GPC5: variants seen among roughly 807,000 people sequenced by gnomAD.
GPC5 encodes glypican-5.
In GPC5, 47 loss-of-function variants were observed where a neutral mutation model predicts 53.9. The ratio of observed to expected loss-of-function variants is 0.87; its 90% CI spans 0.69 to 1.11. The LOEUF is 1.11. Ranked by LOEUF, GPC5 falls within the 50% of genes most tolerant of loss-of-function variation. The pLI, the probability that GPC5 is intolerant of heterozygous loss-of-function variation, is 0.00. For synonymous variants in GPC5, 286 were observed against 263.3 expected, an observed-to-expected ratio of 1.09 and a Z score of -0.84; for missense variants, 748 against 713.1, an observed-to-expected ratio of 1.05 and a Z score of -0.56.
At position 92,694,670 on chromosome 13, in the gene GPC5, C is replaced by T. The variant is rs183088098; in HGVS notation, c.1562-171612C>T. Among the ~76,000 whole-genome samples the T allele has an allele frequency of 2.0e-5, 3 of 152,296 alleles. No individual in the cohort carries two copies. The East Asian group carries it at 5.8e-4, about 29-fold the overall frequency. The stretch of plus-strand genomic sequence containing the variant: ...ACTAATTTGTGTTTGATTTTAAAGG[C>T]TCATAGATGAAAGTGACTTCCCTCA... On this transcript the variant is annotated intron_variant, in intron 7 of 7. Coordinates refer to ENST00000377067, the MANE Select transcript of GPC5 (RefSeq NM_004466.6).
At chr13:91,876,511 C>T (rs1293748674) in intron 5 of GPC5, among the ~76,000 whole-genome samples, 1 of 152,140 alleles carries the variant, frequency 6.6e-6, no homozygotes, top group East Asian at 1.9e-4. Flanking sequence ...AAGAAACTGG[C>T]AGCATTTTGC....
intron 5 of GPC5, among the ~76,000 whole-genome samples, chr13:91,883,453 T>C (rs1366810621): frequency 2.0e-5 from 3 of 152,116 alleles, no homozygotes; most frequent in Non-Finnish European, 4.4e-5. Context: ...CTGTCACACA[T>C]GACAATTACA....
intron 7 of GPC5, among the ~76,000 whole-genome samples, chr13:92,355,681 CTTT>C (rs1187314311): frequency 6.6e-6 from 1 of 152,090 alleles, no homozygotes; most frequent in African/African-American, 2.4e-5. Flanking sequence ...ATGCTGACTT[CTTT>C]ATTTCTTGTC....
chr13:92,249,033 A>AT (rs1252067056), intron 7 of GPC5, among the ~76,000 whole-genome samples: 1 of 151,990 alleles, frequency 6.6e-6, no homozygotes, highest in African/African-American at 2.4e-5. Context: ...TATTTTTTAA[A>AT]TTTTTTGTGG....
At chr13:92,234,637 T>C (rs1156283875) in intron 7 of GPC5, among the ~76,000 whole-genome samples, 2 of 152,012 alleles carry the variant, frequency 1.3e-5, no homozygotes, top group South Asian at 2.1e-4. Context: ...GGGGGGTGCA[T>C]TGTAAAACTA....
chr13:92,624,764 T>C (rs889000877), intron 7 of GPC5, among the ~76,000 whole-genome samples: 6 of 152,204 alleles, frequency 3.9e-5, no homozygotes, highest in Middle Eastern at 3.2e-3. Context: ...CTGCTTCTTC[T>C]CTGCGGGGAG....
At chr13:91,486,284 C>G (rs1461950739) in intron 2 of GPC5, 1 of 152,152 alleles carries the variant, frequency 6.6e-6, no homozygotes, top group African/African-American at 2.4e-5. Context: ...TGGCCTTTAC[C>G]AATGAATCAC....
intron 1 of GPC5, among the ~76,000 whole-genome samples, chr13:91,430,113 C>G (rs1205596779): frequency 6.6e-6 from 1 of 152,118 alleles, no homozygotes. Flanking sequence ...AAGAGTTGAA[C>G]AGCCCAGGGC....
chr13:91,784,003 T>C (rs1256336126), intron 5 of GPC5, among the ~76,000 whole-genome samples: 6 of 152,206 alleles, frequency 3.9e-5, no homozygotes, highest in Non-Finnish European at 8.8e-5. Context: ...GGACAAGTTG[T>C]AGTCTATAGT....
chr13:91,721,396 A>G (rs1253199449), intron 3 of GPC5, among the ~76,000 whole-genome samples: 1 of 152,126 alleles, frequency 6.6e-6, no homozygotes, highest in African/African-American at 2.4e-5. Flanking sequence ...CAGCCTCCCA[A>G]AGTGTTGTGA....
intron 2 of GPC5, among the ~76,000 whole-genome samples, chr13:91,462,015 A>G (rs1282949157): frequency 1.3e-5 from 2 of 152,148 alleles, no homozygotes; most frequent in African/African-American, 4.8e-5. Context: ...CCCACTGGTA[A>G]TAAAATGAAA....
At chr13:92,094,199 A>G (rs2041402675) in intron 6 of GPC5, among the ~76,000 whole-genome samples, 1 of 152,056 alleles carries the variant, frequency 6.6e-6, no homozygotes, top group Admixed American at 6.6e-5. Context: ...ATGTACACTG[A>G]TTATCCTAAA....
Position 92,595,291 on chromosome 13 carries a change from C to G in GPC5, c.1562-270991C>G, listed in dbSNP as rs898487118. On this transcript the variant is annotated intron_variant, in intron 7 of 7. Transcript: ENST00000377067. Reference sequence around the variant, plus strand: ...ATTCTCTCCAGGCCAATGCAGAGATCAATAAAATCAGCCAGTATTCTGTCA... The same window carrying G: ...ATTCTCTCCAGGCCAATGCAGAGATGAATAAAATCAGCCAGTATTCTGTCA... 2.6e-5 allele frequency among the ~76,000 whole-genome samples: 4 copies of G among 152,284 alleles called. No individual in the cohort carries two copies. In the East Asian group the frequency reaches 7.7e-4, roughly 29 times the overall value.
At chr13:92,292,441 A>G (rs560764874) in intron 7 of GPC5, among the ~76,000 whole-genome samples, 3 of 151,620 alleles carry the variant, frequency 2.0e-5, no homozygotes, top group South Asian at 2.1e-4. Context: ...AATGTTGCGC[A>G]TTTTTTCTTA....
intron 6 of GPC5, among the ~76,000 whole-genome samples, chr13:92,120,967 A>G (rs2041644258): frequency 1.3e-5 from 2 of 152,270 alleles, no homozygotes; most frequent in East Asian, 3.9e-4. Flanking sequence ...TTTAATCCCA[A>G]CAGCAAAGTT....
At chr13:92,446,196 T>A (rs1490958676) in intron 7 of GPC5, among the ~76,000 whole-genome samples, 1 of 150,976 alleles carries the variant, frequency 6.6e-6, no homozygotes, top group Non-Finnish European at 1.5e-5. Context: ...TCTTTCTAAC[T>A]TTTTTTTTAC....
intron 2 of GPC5, among the ~76,000 whole-genome samples, chr13:91,516,799 C>G (rs1053157624): frequency 2.6e-5 from 4 of 152,200 alleles, no homozygotes; most frequent in Admixed American, 1.3e-4. Context: ...CATACATCAT[C>G]TGAAATCTAG....
At chr13:91,957,204 A>G (rs1432973965) in intron 6 of GPC5, among the ~76,000 whole-genome samples, 8 of 152,152 alleles carry the variant, frequency 5.3e-5, no homozygotes, top group Non-Finnish European at 1.2e-4. Context: ...GAAACTTTCA[A>G]CAATAAACTA....
intron 6 of GPC5, among the ~76,000 whole-genome samples, chr13:92,039,686 T>C (rs1438999425): frequency 6.6e-6 from 1 of 152,142 alleles, no homozygotes; most frequent in Middle Eastern, 3.2e-3. Context: ...ATGGGTAGAT[T>C]GATTTCTGAT....
Sources: gnomAD v4.1 joint callset for allele counts (sites outside exome capture counted in the v4.1 genomes callset) on GRCh38, gnomAD v4.1.1 for gene constraint, MANE v1.5 for transcripts, NCBI Gene and HGNC (gene_info 2026-07-23, HGNC 2026-07-21) for gene names.